SLC8A1: variants seen among roughly 807,000 people sequenced by gnomAD.
The protein encoded by SLC8A1 is sodium/calcium exchanger 1.
Under a neutral mutation model 68.3 loss-of-function variants are expected in SLC8A1, and 18 were observed. The ratio of observed to expected loss-of-function variants is 0.26; its 90% CI spans 0.18 to 0.39. The LOEUF (loss-of-function observed/expected upper bound fraction) is 0.39, where lower values mean the gene tolerates loss of function less well. Among genes scored for constraint, SLC8A1 ranks in the 10% least tolerant of loss-of-function variants. SLC8A1 has a pLI of 1.00. For synonymous variants in SLC8A1, 475 were observed against 415.5 expected (o/e 1.14, Z -1.74); for missense variants, 985 against 1,156.7 (o/e 0.85, Z 2.15).
chr2:40,419,013 G>A (rs1694722602), intron 2 of SLC8A1, among the ~76,000 whole-genome samples: 1 of 152,190 alleles, frequency 6.6e-6, no homozygotes, highest in Admixed American at 6.5e-5. Context: ...GCACAGAGAG[G>A]CTTTAGGGGT....
exon 8 of SLC8A1, chr2:40,103,178 T>C (rs1476704463): frequency 6.6e-6 from 1 of 152,184 alleles, no homozygotes; most frequent in Non-Finnish European, 1.5e-5. Flanking sequence ...AGAGAAAGCT[T>C]ACATTTATTC....
intron 1 of SLC8A1, among the ~76,000 whole-genome samples, chr2:40,433,487 A>G (rs992394979): frequency 5.3e-5 from 8 of 152,158 alleles, no homozygotes; most frequent in Non-Finnish European, 1.0e-4. Context: ...ATACATATCA[A>G]TTATATTTAA....
At chr2:40,355,759 C>T (rs1575647023) in intron 2 of SLC8A1, among the ~76,000 whole-genome samples, 1 of 152,266 alleles carries the variant, frequency 6.6e-6, no homozygotes, top group East Asian at 1.9e-4. Flanking sequence ...AGTATAAACT[C>T]ACCAGTGGTC....
chr2:40,230,861 G>C (rs2059562480), intron 2 of SLC8A1, among the ~76,000 whole-genome samples: 2 of 152,150 alleles, frequency 1.3e-5, no homozygotes, highest in African/African-American at 4.8e-5. Flanking sequence ...CCTCATATGG[G>C]AGGGAGTTCT....
intron 2 of SLC8A1, among the ~76,000 whole-genome samples, chr2:40,341,834 G>A (rs997365353): frequency 1.3e-5 from 2 of 152,086 alleles, no homozygotes; most frequent in African/African-American, 4.8e-5. Flanking sequence ...TCCATTGCAT[G>A]GACCATCAAG....
At position 40,387,756 on chromosome 2, in the gene SLC8A1, G is replaced by A. The variant is rs538016682; in HGVS notation, c.1808+40717C>T. ...AGTTTGAGACCAGCCTGGCCAACAT[G>A]GTGAAACCCTGTCTCTACTAAAAAC... is the stretch of plus-strand genomic sequence containing the variant. On this transcript the variant is annotated intron_variant, in intron 2 of 7. Coordinates refer to ENST00000406785, the Ensembl canonical transcript of SLC8A1. 4.8e-5 allele frequency among the ~76,000 whole-genome samples: 7 copies of A among 146,306 alleles called. No individual in the cohort carries two copies. In the South Asian group the frequency reaches 1.2e-3, roughly 26 times the overall value.
At chr2:40,455,355 A>T (rs1055919998), upstream of SLC8A1, among the ~76,000 whole-genome samples, 2 of 152,102 alleles carry the variant, frequency 1.3e-5, no homozygotes, top group Admixed American at 6.5e-5. Context: ...CTCTGTTTAA[A>T]TTCCTTTCAT....
At chr2:40,167,226 G>C (rs569121383) in intron 4 of SLC8A1, among the ~76,000 whole-genome samples, 10 of 152,214 alleles carry the variant, frequency 6.6e-5, no homozygotes, top group East Asian at 1.9e-4. Context: ...GGTGCTGTTA[G>C]GTCTGTAACT....
intron 2 of SLC8A1, among the ~76,000 whole-genome samples, chr2:40,346,372 T>A (rs1340675222): frequency 6.6e-5 from 10 of 152,138 alleles, no homozygotes; most frequent in Admixed American, 6.6e-4. Flanking sequence ...CGGACTGGCA[T>A]CCCTGGGACT....
chr2:40,441,759 A>G (rs1297736768), intron 1 of SLC8A1, among the ~76,000 whole-genome samples: 1 of 152,058 alleles, frequency 6.6e-6, no homozygotes, highest in African/African-American at 2.4e-5. Context: ...CTTATACAAA[A>G]ATTAACTCAA....
chr2:40,485,478 CT>C (rs1187138878), intron 1 of SLC8A1, among the ~76,000 whole-genome samples: 2 of 152,172 alleles, frequency 1.3e-5, no homozygotes, highest in African/African-American at 4.8e-5. Flanking sequence ...CCCTATGTCT[CT>C]TGCTTGCTCA....
chr2:40,121,559 A>T (rs942574338), intron 7 of SLC8A1, among the ~76,000 whole-genome samples: 1 of 152,132 alleles, frequency 6.6e-6, no homozygotes. Context: ...CAGCTACCCT[A>T]AAAGGCCAAA....
intron 2 of SLC8A1, among the ~76,000 whole-genome samples, chr2:40,332,156 T>G (rs528184174): frequency 6.6e-6 from 1 of 152,200 alleles, no homozygotes; most frequent in East Asian, 2.0e-4. Flanking sequence ...GCTTGTGTAG[T>G]GACTTGGCAA....
At position 40,217,532 on chromosome 2, in the gene SLC8A1, C is replaced by T. The variant is rs1181844650; in HGVS notation, c.1809-39677G>A. ...CTTCTCTACACTCAAGGTTTTCTTT[C>T]TGTTGTTGTTGTGTAGGCAACACAA... is the stretch of plus-strand genomic sequence containing the variant. On this transcript the variant is annotated intron_variant, in intron 2 of 7. Transcript: ENST00000406785. 2.6e-5 allele frequency among the ~76,000 whole-genome samples: 4 copies of T among 152,082 alleles called. No homozygotes were observed. In the South Asian group the frequency reaches 8.3e-4, roughly 32 times the overall value.
At chr2:40,112,477 A>T (rs543855776) in exon 8 of SLC8A1, 1 of 152,656 alleles carries the variant, frequency 6.6e-6, no homozygotes, top group African/African-American at 2.4e-5. Context: ...AAAGCTTTCA[A>T]ATTGAAATCG....
chr2:40,136,158 C>G (rs1037257851), intron 7 of SLC8A1, among the ~76,000 whole-genome samples: 1 of 152,174 alleles, frequency 6.6e-6, no homozygotes, highest in Non-Finnish European at 1.5e-5. Context: ...TGGGAAGCCT[C>G]TTTCTCCAGA....
exon 8 of SLC8A1, chr2:40,102,815 G>C (rs2125029781): frequency 6.6e-6 from 1 of 152,160 alleles, no homozygotes; most frequent in African/African-American, 2.4e-5. Context: ...TCTGAAATGG[G>C]GGGCAAATTC....
intron 2 of SLC8A1, among the ~76,000 whole-genome samples, chr2:40,378,960 A>T (rs1013485138): frequency 2.0e-5 from 3 of 152,080 alleles, no homozygotes; most frequent in Non-Finnish European, 2.9e-5. Context: ...TCACCACTTT[A>T]CAATGCACTA....
chr2:40,428,580 T>G (rs752903818), exon 2 of SLC8A1: 5 of 1,613,778 alleles, frequency 3.1e-6, no homozygotes, highest in African/African-American at 1.3e-5. Flanking sequence ...TAACATTTCC[T>G]CGAGCTCCAG....
Sources: allele counts gnomAD v4.1 joint callset (sites outside exome capture counted in the v4.1 genomes callset), GRCh38; gene constraint gnomAD v4.1.1; transcripts MANE v1.5; gene names NCBI Gene and HGNC (gene_info 2026-07-23, HGNC 2026-07-21).